Variants in OSBPL3 observed in about 807,000 individuals in gnomAD.
OSBPL3 encodes the protein oxysterol binding protein like 3.
A neutral mutation model predicts 120.1 loss-of-function variants in OSBPL3; 65 were observed. That is an observed-to-expected ratio of 0.54 (90% CI 0.44 to 0.67). The LOEUF is 0.67. Ranked by LOEUF, OSBPL3 falls within the 30% of genes least tolerant of loss-of-function variation. The pLI, the probability that OSBPL3 is intolerant of heterozygous loss-of-function variation, is 0.00. For synonymous variants in OSBPL3, 416 were observed against 402.6 expected, an observed-to-expected ratio of 1.03 and a Z score of -0.40; for missense variants, 1,004 against 1,082.1, an observed-to-expected ratio of 0.93 and a Z score of 1.01.
chr7:24,842,532 A>C (rs150453062), intron 12 of OSBPL3, 119 bp from the exon 13 acceptor site: 2 of 742,108 alleles, frequency 2.7e-6, no homozygotes, highest in African/African-American at 3.5e-5. Context: ...AGCAACTCAA[A>C]GCAGAAGTCA....
intron 15 of OSBPL3, among the ~76,000 whole-genome samples, chr7:24,832,508 T>TG (rs1796507006): frequency 1.8e-5 from 1 of 54,930 alleles, no homozygotes; most frequent in African/African-American, 5.5e-5. Context: ...AGACTCTGCC[T>TG]CAAAGAAAAA....
rs1563011853 is a variant in OSBPL3, at chr7:24,959,034, G to GT, written c.-150+20851dup. Among the ~76,000 whole-genome samples the GT allele has an allele frequency of 6.6e-6, 1 of 152,112 alleles. No individual in the cohort carries two copies. The highest frequency in any genetic ancestry group is 1.9e-4 in the East Asian group (1 of 5,194). On this transcript the variant is annotated intron_variant, in intron 1 of 22. Transcript: ENST00000313367. The surrounding 1 kb of genome is among the most constrained non-coding windows in gnomAD (Gnocchi z 4.3). ...ACTTCTTTTCTATAATCCATGAATT[G>GT]TAAGTTTTAAACATTCACTAGAATG...
In OSBPL3 at chr7:24,953,541, T is replaced by C. The variant is rs1178120679; in HGVS notation, c.-150+26345A>G. Among the ~76,000 whole-genome samples the C allele has an allele frequency of 6.6e-6, 1 of 152,202 alleles. No homozygotes were observed. Among genetic ancestry groups the C allele is most frequent in the East Asian group, 1.9e-4 (1 of 5,204 alleles). On this transcript the variant is annotated intron_variant, in intron 1 of 22. Coordinates refer to ENST00000313367, the MANE Select transcript of OSBPL3 (RefSeq NM_015550.4). This position sits in a 1 kb window ranked among gnomAD's most constrained non-coding sequence, Gnocchi z 4.3. ...TGAACATTCATTATTACTCTCAGTA[T>C]GAAAACTAAATAGATCATCAGAAAA...
Position 24,852,639 on chromosome 7 carries a change from AG to A in OSBPL3, c.1028-6del. On this transcript the variant is annotated splice_region_variant and splice_polypyrimidine_tract_variant and intron_variant, in intron 10 of 22. Coordinates refer to ENST00000313367, the MANE Select transcript of OSBPL3 (RefSeq NM_015550.4). The surrounding 1 kb of genome is among the most constrained non-coding windows in gnomAD (Gnocchi z 4.1). ...CTGACCTTAAAGTGAAGTAAACTAT[AG>A]AGATAGAATCATTATAAAAAGGAAT... The A allele has an allele frequency of 6.4e-7, 1 of 1,559,350 alleles. No homozygotes were observed.
At chr7:24,917,514 T>C (rs1253796198) in intron 1 of OSBPL3, among the ~76,000 whole-genome samples, 2 of 149,258 alleles carry the variant, frequency 1.3e-5, no homozygotes, top group African/African-American at 4.9e-5. Flanking sequence ...CATCAATTTT[T>C]TTGTAACTCC....
rs79261319 is a variant in OSBPL3, at chr7:24,959,914, G to C, written c.-150+19972C>G. Among the ~76,000 whole-genome samples the C allele has an allele frequency of 0.03, 4,553 of 152,140 alleles. 234 individuals carry two copies. Among genetic ancestry groups the C allele is most frequent in the African/African-American group, 0.1 (4,336 of 41,488 alleles). ...CGAAACAATGCATGAGTCACAAATG[G>C]TATTCAAATTTTTTGATTAAGAATA... is the stretch of plus-strand genomic sequence containing the variant. On this transcript the variant is annotated intron_variant, in intron 1 of 22. Transcript: ENST00000313367. The surrounding 1 kb of genome is among the most constrained non-coding windows in gnomAD (Gnocchi z 4.3).
chr7:24,835,132 G>C lies in OSBPL3; in HGVS notation c.1496-396C>G, dbSNP rs1217992807. Among the ~76,000 whole-genome samples the C allele has an allele frequency of 1.3e-5, 2 of 152,106 alleles. No individual in the cohort carries two copies. The highest frequency in any genetic ancestry group is 2.4e-5 in the African/African-American group (1 of 41,410). On this transcript the variant is annotated intron_variant, in intron 14 of 22. Coordinates refer to ENST00000313367, the MANE Select transcript of OSBPL3 (RefSeq NM_015550.4). This position sits in a 1 kb window ranked among gnomAD's most constrained non-coding sequence, Gnocchi z 4.8. The stretch of plus-strand genomic sequence containing the variant: ...GTGTTTATTACAGGAAAACTATAAA[G>C]GAAATAATGGTCTTTTCATTGCTCC...
Position 24,820,163 on chromosome 7 carries a change from T to C in OSBPL3, c.1948+12A>G, listed in dbSNP as rs1429028678. On this transcript the variant is annotated intron_variant, in intron 17 of 22. Coordinates refer to ENST00000313367, the MANE Select transcript of OSBPL3 (RefSeq NM_015550.4). The surrounding 1 kb of genome is among the most constrained non-coding windows in gnomAD (Gnocchi z 4.6). ...CACAATATGATGGAAGTAAAATGTATTAGCACATTACCTTGCCAGAAAACA... is the reference window on the plus strand; with the variant it reads ...CACAATATGATGGAAGTAAAATGTACTAGCACATTACCTTGCCAGAAAACA... 7.0e-6 allele frequency: 11 copies of C among 1,562,760 alleles called. No individual in the cohort carries two copies. The highest frequency in any genetic ancestry group is 9.7e-6 in the Non-Finnish European group (11 of 1,134,656).
In OSBPL3 at chr7:24,851,162, C is replaced by T. The variant is rs1448458977; in HGVS notation, c.1158+1342G>A. On this transcript the variant is annotated intron_variant, in intron 11 of 22. Transcript: ENST00000313367. This position sits in a 1 kb window ranked among gnomAD's most constrained non-coding sequence, Gnocchi z 4.1. ...CTTTTGTAAATGCACTAAAAGCTAGCTTAATGAGAACAATAAGAAAGTTAG... is the reference window on the plus strand; with the variant it reads ...CTTTTGTAAATGCACTAAAAGCTAGTTTAATGAGAACAATAAGAAAGTTAG... Among the ~76,000 whole-genome samples the T allele has an allele frequency of 6.6e-6, 1 of 152,026 alleles. No homozygotes were observed. Among genetic ancestry groups the T allele is most frequent in the Non-Finnish European group, 1.5e-5 (1 of 68,024 alleles).
chr7:24,841,723 A>AAAAGG (rs1225391317), intron 13 of OSBPL3, among the ~76,000 whole-genome samples: 5 of 139,254 alleles, frequency 3.6e-5, no homozygotes, highest in African/African-American at 8.1e-5. Context: ...AAAAAAAAAG[A>AAAAGG]GGCCAGGCAC....
chr7:24,857,703 T>G (rs996805182), intron 10 of OSBPL3, among the ~76,000 whole-genome samples: 31 of 152,210 alleles, frequency 2.0e-4, no homozygotes, highest in African/African-American at 7.5e-4. Flanking sequence ...TCTCAGAAAC[T>G]TAAATTCCAG....
rs1793054833 is a variant in OSBPL3 at position 24,806,468 on chromosome 7, G to A, written c.2444+308C>T. On this transcript the variant is annotated intron_variant, in intron 21 of 22. Transcript: ENST00000313367. The surrounding 1 kb of genome is among the most constrained non-coding windows in gnomAD (Gnocchi z 5.2). Reference sequence around the variant, plus strand: ...AAATTTGAGGGCTCGGGGAGCTGGAGGTTTTAACTTACTTACTTTACACTA... The same window carrying A: ...AAATTTGAGGGCTCGGGGAGCTGGAAGTTTTAACTTACTTACTTTACACTA... Among the ~76,000 whole-genome samples, 1 of 152,134 alleles carries A rather than the reference G, an allele frequency of 6.6e-6. No individual in the cohort carries two copies. Among genetic ancestry groups the A allele is most frequent in the South Asian group, 2.1e-4 (1 of 4,828 alleles).
At chr7:24,812,887 A>G (rs1460652301) in intron 19 of OSBPL3, among the ~76,000 whole-genome samples, 1 of 151,944 alleles carries the variant, frequency 6.6e-6, no homozygotes, top group Non-Finnish European at 1.5e-5. Context: ...TGATTTATTT[A>G]TTTTTTGATG....
intron 1 of OSBPL3, among the ~76,000 whole-genome samples, chr7:24,893,167 T>C (rs561189998): frequency 6.6e-6 from 1 of 152,310 alleles, no homozygotes. Flanking sequence ...AACAAAAAGT[T>C]GCAGACCAAT....
At chr7:24,844,588 A>T (rs1025666590) in intron 12 of OSBPL3, among the ~76,000 whole-genome samples, 5 of 152,242 alleles carry the variant, frequency 3.3e-5, no homozygotes, top group Non-Finnish European at 7.3e-5. Context: ...CTTGTGCAGT[A>T]ATTGTAATCA....
chr7:24,883,446 G>C lies in OSBPL3; in HGVS notation c.96+8931C>G, dbSNP rs1259749136. 1.3e-5 allele frequency among the ~76,000 whole-genome samples: 2 copies of C among 152,170 alleles called. No individual in the cohort carries two copies. The highest frequency in any genetic ancestry group is 2.9e-5 in the Non-Finnish European group (2 of 68,036). ...AGCTCAGTTCACATTTGCATCAATA[G>C]CTTCTTGAGAACATTCCATTACCTT... On this transcript the variant is annotated intron_variant, in intron 2 of 22. Coordinates refer to ENST00000313367, the MANE Select transcript of OSBPL3 (RefSeq NM_015550.4). The surrounding 1 kb of genome is among the most constrained non-coding windows in gnomAD (Gnocchi z 5.4).
chr7:24,806,563 G>A lies in OSBPL3; in HGVS notation c.2444+213C>T, dbSNP rs1368399757. Among the ~76,000 whole-genome samples the A allele has an allele frequency of 6.6e-6, 1 of 151,966 alleles. No homozygotes were observed. Among genetic ancestry groups the A allele is most frequent in the African/African-American group, 2.4e-5 (1 of 41,338 alleles). ...CTTTTTTGGCATTTCAATGCAAATG[G>A]GGCTTTACAGATAATAAAGGCCATG... On this transcript the variant is annotated intron_variant, in intron 21 of 22. Coordinates refer to ENST00000313367, the MANE Select transcript of OSBPL3 (RefSeq NM_015550.4). The surrounding 1 kb of genome is among the most constrained non-coding windows in gnomAD (Gnocchi z 5.2).
At chr7:24,801,656 T>G (rs1322806969) in intron 22 of OSBPL3, among the ~76,000 whole-genome samples, 1 of 152,244 alleles carries the variant, frequency 6.6e-6, no homozygotes, top group African/African-American at 2.4e-5. Flanking sequence ...ATCTCTGAAA[T>G]ACTGTTTTAT....
chr7:24,870,039 A>G (rs1374350828), intron 5 of OSBPL3, among the ~76,000 whole-genome samples: 5 of 152,226 alleles, frequency 3.3e-5, no homozygotes, highest in African/African-American at 1.2e-4. Context: ...CAAGTTTTCT[A>G]CATGCAACCC....
Sources: gnomAD v4.1 joint callset for allele counts (sites outside exome capture counted in the v4.1 genomes callset) on GRCh38, gnomAD v4.1.1 for gene constraint, Gnocchi (gnomAD v3.1) non-coding constraint, MANE v1.5 for transcripts, NCBI Gene and HGNC (gene_info 2026-07-23, HGNC 2026-07-21) for gene names.